Variants in SOX5 observed in about 807,000 individuals in gnomAD.
SOX5 encodes the protein transcription factor SOX-5.
SOX5 carries 9 observed loss-of-function variants against 92.0 expected under a neutral mutation model. The observed-to-expected ratio is 0.10, with a 90% confidence interval of 0.06 to 0.17. The LOEUF is 0.17. Ranked by LOEUF, SOX5 falls within the 10% of genes least tolerant of loss-of-function variation. The pLI is 1.00. For synonymous variants in SOX5, 344 were observed against 336.3 expected (o/e 1.02, Z -0.25); for missense variants, 642 against 944.5 (o/e 0.68, Z 4.20).
chr12:23,895,974 A>G lies in SOX5; in HGVS notation c.89T>C (p.Val30Ala), dbSNP rs1486894665. Reference protein sequence around the residue: ...ASPYGEADGEVAMVTSRQKVE... With the variant: ...ASPYGEADGEAAMVTSRQKVE... ...TTTCTGTCTGCTTGTCACCATGGCT[A>G]CCTCTCCATCTGCTTCCCCATACGG... Residue 30 changes from valine (V) to alanine (A), a missense_variant, in exon 2 of 15, where the codon GTA becomes GCA. Transcript: ENST00000451604. The G allele has an allele frequency of 6.8e-6, 11 of 1,613,882 alleles. No homozygotes were observed. The highest frequency in any genetic ancestry group is 9.3e-6 in the Non-Finnish European group (11 of 1,179,928).
chr12:24,205,405 T>C (rs1233098169), intron 4 of SOX5, among the ~76,000 whole-genome samples: 1 of 152,188 alleles, frequency 6.6e-6, no homozygotes, highest in African/African-American at 2.4e-5. Context: ...TCTCATTACA[T>C]CCTCAAAACA....
At chr12:23,799,762 TACAG>T (rs889137347) in intron 3 of SOX5, among the ~76,000 whole-genome samples, 1 of 151,960 alleles carries the variant, frequency 6.6e-6, no homozygotes, top group Non-Finnish European at 1.5e-5. Flanking sequence ...AAAATAAAAT[TACAG>T]ACAGTGTCCT....
At position 24,501,391 on chromosome 12, in the gene SOX5, A is replaced by T. The variant is rs75525708; in HGVS notation, c.-251+60938T>A. Among the ~76,000 whole-genome samples the T allele has an allele frequency of 1.4e-3, 220 of 152,144 alleles. 2 individuals are homozygous for T. Among genetic ancestry groups the T allele is most frequent in the African/African-American group, 3.9e-3 (160 of 41,498 alleles). On this transcript the variant is annotated intron_variant, in intron 1 of 4. Transcript: ENST00000446891. ...AGATCCAGTGCAAAAAAAAAAAAAA[A>T]ATATGTACAAGCTCTATCTTCCCAT...
rs59759578 is a variant in SOX5 at position 23,909,834 on chromosome 12, A to ATT, written c.39-13812_39-13811dup. Reference sequence around the variant, plus strand: ...TAACCTCATTACCACATGCTAGAACATTTTTTTTCCACTACCCAAACACCC... The same window carrying ATT: ...TAACCTCATTACCACATGCTAGAACATTTTTTTTTTCCACTACCCAAACACCC... On this transcript the variant is annotated intron_variant, in intron 1 of 14. Coordinates refer to ENST00000451604, the MANE Select transcript of SOX5 (RefSeq NM_006940.6). Among the ~76,000 whole-genome samples the ATT allele has an allele frequency of 5.3e-5, 8 of 151,444 alleles. No individual in the cohort carries two copies. In the East Asian group the frequency reaches 7.8e-4, roughly 15 times the overall value.
At chr12:24,369,425 T>G (rs555167792) in intron 1 of SOX5, among the ~76,000 whole-genome samples, 2 of 152,282 alleles carry the variant, frequency 1.3e-5, no homozygotes, top group South Asian at 4.1e-4. Context: ...GGGGACAGTA[T>G]GTAGTCAAGT....
chr12:23,785,729 A>G (rs538111137), intron 3 of SOX5, among the ~76,000 whole-genome samples: 10 of 152,284 alleles, frequency 6.6e-5, no homozygotes, highest in Middle Eastern at 3.4e-3. Flanking sequence ...TGGAATATAC[A>G]TATGCCCAGA....
intron 11 of SOX5, among the ~76,000 whole-genome samples, chr12:23,553,350 G>A (rs533826411): frequency 2.2e-4 from 34 of 151,932 alleles, no homozygotes; most frequent in Non-Finnish European, 5.0e-4. Context: ...ATAGAAAACC[G>A]CTGCCACAGG....
chr12:23,644,168 C>T (rs777984726), intron 7 of SOX5, among the ~76,000 whole-genome samples: 19 of 152,088 alleles, frequency 1.2e-4, no homozygotes, highest in Non-Finnish European at 2.2e-4. Flanking sequence ...TGGAGCAAGC[C>T]GCTAGGTTGT....
chr12:24,327,328 T>C (rs1349429844), intron 2 of SOX5, among the ~76,000 whole-genome samples: 2 of 146,886 alleles, frequency 1.4e-5, no homozygotes, highest in African/African-American at 5.0e-5. Context: ...GCTGAAAATG[T>C]CCATACAGAT....
intron 7 of SOX5, among the ~76,000 whole-genome samples, chr12:23,653,176 C>A (rs1395518364): frequency 9.2e-5 from 14 of 152,006 alleles, no homozygotes; most frequent in Admixed American, 9.2e-4. Context: ...GAATTGGTCT[C>A]ATGTCCTCAA....
At chr12:23,705,213 T>G (rs1353884422) in intron 6 of SOX5, among the ~76,000 whole-genome samples, 10 of 152,102 alleles carry the variant, frequency 6.6e-5, no homozygotes, top group Admixed American at 6.6e-4. Flanking sequence ...TGTTAGTAAC[T>G]TTTTCACCCC....
chr12:23,975,053 GT>G (rs904379509), intron 4 of SOX5, among the ~76,000 whole-genome samples: 2 of 151,808 alleles, frequency 1.3e-5, no homozygotes, highest in African/African-American at 4.8e-5. Flanking sequence ...CCTTGTTTTC[GT>G]TTTTTTCAGT....
intron 4 of SOX5, among the ~76,000 whole-genome samples, chr12:23,742,631 T>G (rs2141021722): frequency 6.6e-6 from 1 of 152,242 alleles, no homozygotes; most frequent in South Asian, 2.1e-4. Flanking sequence ...GAATACACAC[T>G]AGGAATACCA....
At chr12:24,051,238 T>C (rs1199328457) in intron 4 of SOX5, among the ~76,000 whole-genome samples, 1 of 152,138 alleles carries the variant, frequency 6.6e-6, no homozygotes, top group Non-Finnish European at 1.5e-5. Flanking sequence ...TAAAACTGAC[T>C]AGAAAAGAAT....
intron 1 of SOX5, among the ~76,000 whole-genome samples, chr12:24,491,416 A>G (rs1001548726): frequency 2.0e-5 from 3 of 151,956 alleles, no homozygotes; most frequent in Admixed American, 6.6e-5. Flanking sequence ...TCCCTCTCAC[A>G]CCTATCAACC....
In SOX5 at chr12:23,883,017, T is replaced by C. The variant is rs946539884; in HGVS notation, c.270+12776A>G. ...TAACACAGTGAAACCCCGTCTCTAC[T>C]AAAAATACAAAAAATAAGCCGGGCA... On this transcript the variant is annotated intron_variant, in intron 2 of 14. Transcript: ENST00000451604. Among the ~76,000 whole-genome samples, 36 of 152,044 alleles carry C rather than the reference T, an allele frequency of 2.4e-4. 1 individual carries two copies. The highest frequency in any genetic ancestry group is 2.2e-3 in the Admixed American group (33 of 15,284).
chr12:24,342,007 A>T (rs1254576933), intron 2 of SOX5, among the ~76,000 whole-genome samples: 1 of 152,190 alleles, frequency 6.6e-6, no homozygotes, highest in East Asian at 1.9e-4. Flanking sequence ...CTGACATAAG[A>T]TGTGCTTTCC....
chr12:24,410,647 G>GT (rs1335164893), intron 1 of SOX5, among the ~76,000 whole-genome samples: 13 of 152,012 alleles, frequency 8.6e-5, no homozygotes, highest in Non-Finnish European at 2.9e-5. Flanking sequence ...TGGCTTCTCT[G>GT]TTTTTTTCCT....
chr12:24,177,952 C>T (rs967519191), intron 4 of SOX5, among the ~76,000 whole-genome samples: 3 of 152,164 alleles, frequency 2.0e-5, no homozygotes, highest in African/African-American at 7.2e-5. Context: ...TCCTGAATAG[C>T]TTTGCCATTT....
Sources: allele counts gnomAD v4.1 joint callset (sites outside exome capture counted in the v4.1 genomes callset), GRCh38; gene constraint gnomAD v4.1.1; transcripts MANE v1.5; gene names NCBI Gene and HGNC (gene_info 2026-07-23, HGNC 2026-07-21).